The following GABRB3 variants were observed in gnomAD, a reference collection of about 807,000 sequenced individuals.
The protein encoded by GABRB3 is gamma-aminobutyric acid type A receptor subunit beta3, also known as gamma-aminobutyric acid receptor subunit beta-3.
Under a neutral mutation model 52.1 loss-of-function variants are expected in GABRB3, and 14 were observed. The observed-to-expected ratio is 0.27, with a 90% CI of 0.18 to 0.42. GABRB3 has a LOEUF of 0.42. Ranked by LOEUF, GABRB3 falls within the 10% of genes least tolerant of loss-of-function variation. The pLI is 1.00. For missense variants in GABRB3, 307 were observed against 609.1 expected (o/e 0.50, Z 5.22); for synonymous variants, 260 against 232.3 (o/e 1.12, Z -1.08).
At chr15:26,566,680 C>T (rs72700070) in intron 7 of GABRB3, among the ~76,000 whole-genome samples, 27,371 of 152,014 alleles carry the variant, frequency 0.18, 3,097 homozygotes, top group Admixed American at 0.25. Context: ...GAGCCGTAAT[C>T]GCAATTATGC....
At chr15:26,548,619 A>G (rs779932629) in intron 8 of GABRB3, among the ~76,000 whole-genome samples, 2 of 152,140 alleles carry the variant, frequency 1.3e-5, no homozygotes, top group Non-Finnish European at 2.9e-5. Flanking sequence ...ATCATTCCTG[A>G]TGACTTCCGT....
intron 3 of GABRB3, among the ~76,000 whole-genome samples, chr15:26,709,709 G>A (rs934894433): frequency 6.6e-6 from 1 of 151,870 alleles, no homozygotes; most frequent in Non-Finnish European, 1.5e-5. Context: ...AGTAGAGACA[G>A]GGTTTCACCC....
chr15:26,688,599 T>C (rs1888481002), intron 3 of GABRB3, among the ~76,000 whole-genome samples: 1 of 151,892 alleles, frequency 6.6e-6, no homozygotes, highest in African/African-American at 2.4e-5. Flanking sequence ...ATTTGTGGAG[T>C]TTCTGTGATC....
intron 7 of GABRB3, among the ~76,000 whole-genome samples, chr15:26,565,411 C>T (rs1890130852): frequency 6.6e-6 from 1 of 152,106 alleles, no homozygotes; most frequent in Non-Finnish European, 1.5e-5. Flanking sequence ...ACCTCGGGGT[C>T]ACCCTAACTC....
chr15:26,634,347 G>A (rs754197), intron 3 of GABRB3, among the ~76,000 whole-genome samples: 55,439 of 151,844 alleles, frequency 0.37, 11,532 homozygotes, highest in Middle Eastern at 0.52. Flanking sequence ...GCCCACTCAC[G>A]CAACCCAACC....
At chr15:26,614,447 T>A (rs1256295205) in intron 4 of GABRB3, 1 of 152,182 alleles carries the variant, frequency 6.6e-6, no homozygotes, top group African/African-American at 2.4e-5. Flanking sequence ...GCCTGAGTGA[T>A]AATAAATTCC....
At chr15:26,677,501 C>T (rs1403200317) in intron 3 of GABRB3, among the ~76,000 whole-genome samples, 1 of 152,132 alleles carries the variant, frequency 6.6e-6, no homozygotes, top group African/African-American at 2.4e-5. Flanking sequence ...ACCCGGGAGA[C>T]ACCACATATG....
chr15:26,586,897 A>G (rs1891013007), intron 4 of GABRB3, among the ~76,000 whole-genome samples: 1 of 152,140 alleles, frequency 6.6e-6, no homozygotes, highest in Non-Finnish European at 1.5e-5. Context: ...TGGAGGAGGG[A>G]AAATGGGGAG....
At chr15:26,651,601 T>C (rs1887199630) in intron 3 of GABRB3, among the ~76,000 whole-genome samples, 1 of 152,240 alleles carries the variant, frequency 6.6e-6, no homozygotes, top group Non-Finnish European at 1.5e-5. Context: ...ATAATTCTTA[T>C]ACATGGTCAC....
At chr15:26,679,488 C>G (rs2140645138) in intron 3 of GABRB3, among the ~76,000 whole-genome samples, 1 of 152,260 alleles carries the variant, frequency 6.6e-6, no homozygotes, top group Admixed American at 6.5e-5. Flanking sequence ...CATCACAAAC[C>G]CAGATGCTCG....
At chr15:26,656,845 G>C (rs1172903223) in intron 3 of GABRB3, among the ~76,000 whole-genome samples, 4 of 152,160 alleles carry the variant, frequency 2.6e-5, no homozygotes, top group Non-Finnish European at 4.4e-5. Flanking sequence ...TAAAACACAG[G>C]ATTAAAATAA....
In GABRB3 at chr15:26,547,063, TACA is replaced by T. The variant is rs1309173220; in HGVS notation, c.*727_*729del. 1 of 153,764 alleles carries T rather than the reference TACA, an allele frequency of 6.5e-6. No individual in the cohort carries two copies. Among genetic ancestry groups the T allele is most frequent in the Non-Finnish European group, 1.4e-5 (1 of 69,290 alleles). 9.5% of individuals were successfully genotyped at this position (153,764 alleles called of 1,614,324 possible). A position where few individuals can be genotyped will look rare whatever the true frequency, so the allele number is the denominator to read the frequency against. ...ACTACACACTGTATATTAGAGTACTTACAACGAGATGCCATTCACTCCCGATGA... is the reference window on the plus strand; with the variant it reads ...ACTACACACTGTATATTAGAGTACTTACGAGATGCCATTCACTCCCGATGA... On this transcript the variant is annotated 3_prime_UTR_variant, in exon 9 of 9. Coordinates refer to ENST00000311550, the MANE Select transcript of GABRB3 (RefSeq NM_000814.6).
At chr15:26,731,446 G>A (rs1275645150) in intron 3 of GABRB3, among the ~76,000 whole-genome samples, 1 of 152,136 alleles carries the variant, frequency 6.6e-6, no homozygotes, top group Non-Finnish European at 1.5e-5. Context: ...CCTCACTTTG[G>A]AGTCCATACA....
intron 3 of GABRB3, among the ~76,000 whole-genome samples, chr15:26,683,781 T>C (rs751654231): frequency 2.0e-5 from 3 of 151,490 alleles, no homozygotes; most frequent in Non-Finnish European, 3.0e-5. Context: ...TATAGGATTA[T>C]ACACTCTCAT....
At chr15:26,658,261 TA>T (rs1164660587) in intron 3 of GABRB3, among the ~76,000 whole-genome samples, 1 of 151,866 alleles carries the variant, frequency 6.6e-6, no homozygotes, top group African/African-American at 2.4e-5. Flanking sequence ...AAACTATCTC[TA>T]AAAAAAACCC....
Position 26,580,365 on chromosome 15 carries a change from G to T in GABRB3, c.636C>A (p.Ser212=). The T allele has an allele frequency of 6.2e-7, 1 of 1,614,198 alleles. No individual in the cohort carries two copies. The highest frequency in any genetic ancestry group is 8.5e-7 in the Non-Finnish European group (1 of 1,180,036). ...TCGAGACCAGACGGTGCTCCACGATGGAGAACTGCGGGAGCTCAATCCTTT... is the reference window on the plus strand; with the variant it reads ...TCGAGACCAGACGGTGCTCCACGATTGAGAACTGCGGGAGCTCAATCCTTT... The part of the protein sequence containing the change: ...GVERIELPQF[S]IVEHRLVSRN... The change falls in exon 6 of 9, where the codon TCC becomes TCA. Residue 212 remains serine, a synonymous_variant. Transcript: ENST00000311550.
At chr15:26,644,192 C>T (rs1206323500) in intron 3 of GABRB3, among the ~76,000 whole-genome samples, 1 of 152,190 alleles carries the variant, frequency 6.6e-6, no homozygotes, top group Non-Finnish European at 1.5e-5. Context: ...TGAGAAGATA[C>T]TGCACATTTT....
intron 4 of GABRB3, chr15:26,590,119 A>G (rs180939667): frequency 1.1e-4 from 16 of 152,292 alleles, no homozygotes; most frequent in African/African-American, 2.4e-4. Context: ...GCAGAATTCA[A>G]TTCTTACCTG....
At chr15:26,694,672 T>A (rs1025047426) in intron 3 of GABRB3, among the ~76,000 whole-genome samples, 12 of 152,068 alleles carry the variant, frequency 7.9e-5, no homozygotes, top group Non-Finnish European at 4.4e-5. Context: ...TACAAGAGGC[T>A]CTAAAAAGCA....
Sources: gnomAD v4.1 joint callset for allele counts (sites outside exome capture counted in the v4.1 genomes callset) on GRCh38, gnomAD v4.1.1 for gene constraint, MANE v1.5 for transcripts, NCBI Gene and HGNC (gene_info 2026-07-23, HGNC 2026-07-21) for gene names.